Variants in GRIA3 observed in about 807,000 individuals in gnomAD.
GRIA3 encodes the protein glutamate receptor 3.
A neutral mutation model predicts 63.0 loss-of-function variants in GRIA3; 3 were observed. The observed-to-expected ratio is 0.05, with a 90% CI of 0.02 to 0.12. GRIA3 has a LOEUF of 0.12. Ranked by LOEUF, GRIA3 falls within the 10% of genes least tolerant of loss-of-function variation. The pLI is 1.00. For synonymous variants in GRIA3, 274 were observed against 257.9 expected, an observed-to-expected ratio of 1.06 and a Z score of -0.60; for missense variants, 347 against 700.9, an observed-to-expected ratio of 0.50 and a Z score of 5.70.
chrX:123,260,422 C>CAGAA (rs764729147), intron 3 of GRIA3, among the ~76,000 whole-genome samples: 168 of 5,823 alleles, frequency 0.029, 17 homozygotes, highest in African/African-American at 0.075. Context: ...GACAGACAGA[C>CAGAA]AGACAGAAAG....
chrX:123,386,588 C>A (rs910100774), intron 5 of GRIA3, among the ~76,000 whole-genome samples: 1 of 111,295 alleles, frequency 9.0e-6, no homozygotes, highest in Non-Finnish European at 1.9e-5. Flanking sequence ...TTTATAGTTT[C>A]GAGTCTTATG....
intron 2 of GRIA3, among the ~76,000 whole-genome samples, chrX:123,213,564 A>C (rs1928091199): frequency 8.9e-6 from 1 of 112,283 alleles, no homozygotes; most frequent in Non-Finnish European, 1.9e-5. Context: ...TAAAAATCAA[A>C]CCAGCAAAAG....
chrX:123,311,178 T>C (rs1285439479), intron 3 of GRIA3, among the ~76,000 whole-genome samples: 1 of 111,816 alleles, frequency 8.9e-6, no homozygotes. Flanking sequence ...TCCCCAAGAC[T>C]TTTTTAGAAG....
chrX:123,286,806 C>T (rs887874734), intron 3 of GRIA3, among the ~76,000 whole-genome samples: 16 of 111,627 alleles, frequency 1.4e-4, no homozygotes, highest in Admixed American at 3.8e-4. Context: ...AAGGACCAGA[C>T]GGATTCGCAG....
At chrX:123,484,999 G>A (rs2045933780) in intron 15 of GRIA3, among the ~76,000 whole-genome samples, 1 of 112,640 alleles carries the variant, frequency 8.9e-6, no homozygotes, top group Admixed American at 9.3e-5. Flanking sequence ...ATTGGTGGAT[G>A]TACAATACAT....
At chrX:123,468,335 C>T (rs1041928015) in intron 13 of GRIA3, among the ~76,000 whole-genome samples, 3 of 111,100 alleles carry the variant, frequency 2.7e-5, no homozygotes, top group Non-Finnish European at 5.7e-5. Context: ...AGTAAAACCT[C>T]ATTAATTTGA....
At chrX:123,185,612 C>G (rs908552185) in intron 1 of GRIA3, among the ~76,000 whole-genome samples, 1 of 110,536 alleles carries the variant, frequency 9.0e-6, no homozygotes, top group African/African-American at 3.3e-5. Context: ...CGTCTCTTCT[C>G]CCTTCTCTCT....
At chrX:123,396,367 A>C in intron 6 of GRIA3, among the ~76,000 whole-genome samples, 1 of 110,377 alleles carries the variant, frequency 9.1e-6, no homozygotes, top group Non-Finnish European at 1.9e-5. Flanking sequence ...ACTTTATGCA[A>C]TTGGTGTGTT....
At chrX:123,465,347 A>C (rs764307602) in intron 13 of GRIA3, among the ~76,000 whole-genome samples, 1 of 110,881 alleles carries the variant, frequency 9.0e-6, no homozygotes, top group East Asian at 2.8e-4. Context: ...TGCTGTTTTA[A>C]TTTTACAGTT....
intron 5 of GRIA3, among the ~76,000 whole-genome samples, chrX:123,356,086 T>C (rs915056274): frequency 1.8e-5 from 2 of 111,748 alleles, no homozygotes; most frequent in Non-Finnish European, 3.8e-5. Flanking sequence ...TACATCCATA[T>C]ATTTTCAATA....
At chrX:123,401,180 T>C (rs148244952) in intron 7 of GRIA3, among the ~76,000 whole-genome samples, 79 of 112,061 alleles carry the variant, frequency 7.0e-4, no homozygotes, top group South Asian at 1.1e-3. Context: ...TCCTTAAAAA[T>C]AGATTTCTCT....
chrX:123,235,901 A>G (rs746714645), intron 2 of GRIA3, among the ~76,000 whole-genome samples: 137 of 110,815 alleles, frequency 1.2e-3, no homozygotes, highest in African/African-American at 4.3e-3. Context: ...ACAGTTGAAG[A>G]TTCTTAGTGA....
intron 10 of GRIA3, among the ~76,000 whole-genome samples, chrX:123,407,695 G>GGGC (rs1556314639): frequency 1.2e-5 from 1 of 81,910 alleles, no homozygotes; most frequent in African/African-American, 5.5e-5. Context: ...TGGTTGCGGG[G>GGGC]GGGGGGGGGA....
At chrX:123,484,856 TC>T (rs1216651279) in intron 15 of GRIA3, among the ~76,000 whole-genome samples, 1 of 112,795 alleles carries the variant, frequency 8.9e-6, no homozygotes, top group Non-Finnish European at 1.9e-5. Context: ...AATATTTCAT[TC>T]AAATAAATCA....
At chrX:123,464,757 G>A (rs1348608595) in intron 12 of GRIA3, 108 bp from the exon 13 acceptor site, 19 of 674,976 alleles carry the variant, frequency 2.8e-5, no homozygotes, top group East Asian at 1.3e-4. Flanking sequence ...GCAGTGTAAC[G>A]TGTTTTTTAT....
chrX:123,211,950 T>C (rs1017076374), intron 2 of GRIA3, among the ~76,000 whole-genome samples: 1 of 111,888 alleles, frequency 8.9e-6, no homozygotes, highest in Non-Finnish European at 1.9e-5. Context: ...TTATTGAGCA[T>C]GGACTAGAGC....
At chrX:123,477,108 C>A (rs945549431) in intron 13 of GRIA3, among the ~76,000 whole-genome samples, 22 of 111,539 alleles carry the variant, frequency 2.0e-4, no homozygotes, top group African/African-American at 7.2e-4. Flanking sequence ...CAAGAGTGGA[C>A]AGTGGCAGCC....
chrX:123,222,135 C>T (rs1174914780), intron 2 of GRIA3, among the ~76,000 whole-genome samples: 1 of 111,787 alleles, frequency 8.9e-6, no homozygotes, highest in African/African-American at 3.3e-5. Context: ...GGAGATCAAA[C>T]TCATCCATGG....
intron 4 of GRIA3, among the ~76,000 whole-genome samples, chrX:123,353,352 G>A (rs1470064705): frequency 2.7e-5 from 3 of 111,896 alleles, no homozygotes; most frequent in African/African-American, 6.5e-5. Flanking sequence ...CAGCTTTACC[G>A]CTTCCTAGCT....
Sources: gnomAD v4.1 joint callset for allele counts (sites outside exome capture counted in the v4.1 genomes callset) on GRCh38, gnomAD v4.1.1 for gene constraint, MANE v1.5 for transcripts, NCBI Gene and HGNC (gene_info 2026-07-23, HGNC 2026-07-21) for gene names.